DNAH5: variants seen among roughly 807,000 people sequenced by gnomAD.
DNAH5 encodes axonemal beta dynein heavy chain 5.
In DNAH5, 372 loss-of-function variants were observed where a neutral mutation model predicts 518.2. The ratio of observed to expected loss-of-function variants is 0.72; its 90% confidence interval spans 0.66 to 0.78. The LOEUF (loss-of-function observed/expected upper bound fraction) is 0.78, where lower values mean the gene tolerates loss of function less well. Among genes scored for constraint, DNAH5 ranks in the 30% least tolerant of loss-of-function variants. DNAH5 has a pLI of 0.00. For synonymous variants in DNAH5, 2,039 were observed against 2,025.9 expected, an observed-to-expected ratio of 1.01 and a Z score of -0.17; for missense variants, 5,523 against 5,687.0, an observed-to-expected ratio of 0.97 and a Z score of 0.93.
At chr5:13,918,750 G>A (rs1776929766) in intron 7 of DNAH5, among the ~76,000 whole-genome samples, 4 of 152,192 alleles carry the variant, frequency 2.6e-5, no homozygotes, top group African/African-American at 9.6e-5. Context: ...TTACAGGCGT[G>A]AGCCACCACG....
At position 13,920,622 on chromosome 5, in the gene DNAH5, T is replaced by C; in HGVS notation, c.661-5A>G. The C allele has an allele frequency of 6.2e-7, 1 of 1,614,038 alleles. No homozygotes were observed. The highest frequency in any genetic ancestry group is 8.5e-7 in the Non-Finnish European group (1 of 1,179,916). On this transcript the variant is annotated splice_region_variant and splice_polypyrimidine_tract_variant and intron_variant, in intron 5 of 78. Coordinates refer to ENST00000265104, the MANE Select transcript of DNAH5 (RefSeq NM_001369.3). ...GTCACACTTTCGAAGGTTCACCTAATTAGAATGAAAATTAAATAATCAGAT... is the reference window on the plus strand; with the variant it reads ...GTCACACTTTCGAAGGTTCACCTAACTAGAATGAAAATTAAATAATCAGAT...
chr5:13,880,551 AATGT>A (rs1450735752), intron 21 of DNAH5, among the ~76,000 whole-genome samples: 1 of 152,102 alleles, frequency 6.6e-6, no homozygotes, highest in Non-Finnish European at 1.5e-5. Flanking sequence ...AAAAACTTAA[AATGT>A]ATGAGGTGGG....
intron 43 of DNAH5, among the ~76,000 whole-genome samples, chr5:13,813,073 C>A (rs146778673): frequency 6.6e-6 from 1 of 152,146 alleles, no homozygotes; most frequent in African/African-American, 2.4e-5. Flanking sequence ...TTACTCTGCC[C>A]TCTAATAACT....
intron 5 of DNAH5, among the ~76,000 whole-genome samples, chr5:13,921,132 G>T (rs1456773680): frequency 6.6e-6 from 1 of 151,930 alleles, no homozygotes; most frequent in Non-Finnish European, 1.5e-5. Flanking sequence ...AATTTTATTT[G>T]GTCCAACCTG....
chr5:13,715,884 C>A (rs1272363845), intron 74 of DNAH5, among the ~76,000 whole-genome samples: 1 of 152,158 alleles, frequency 6.6e-6, no homozygotes, highest in East Asian at 1.9e-4. Flanking sequence ...TATTGGCATC[C>A]CGTGGATAGA....
At chr5:13,950,221 AAG>A (rs1056620789) in intron 1 of DNAH5, among the ~76,000 whole-genome samples, 1 of 152,118 alleles carries the variant, frequency 6.6e-6, no homozygotes, top group African/African-American at 2.4e-5. Context: ...TTTTCTCCAT[AAG>A]AGTTTTTTTT....
intron 1 of DNAH5, among the ~76,000 whole-genome samples, chr5:13,974,074 C>T (rs1419678173): frequency 1.3e-5 from 2 of 152,014 alleles, no homozygotes; most frequent in Non-Finnish European, 2.9e-5. Flanking sequence ...CCACTGAGAT[C>T]CCTATTCCTG....
rs371783309 is a variant in DNAH5 at position 13,876,766 on chromosome 5, T to C, written c.3314A>G (p.Asn1105Ser). 2 of 1,613,794 alleles carry C rather than the reference T, an allele frequency of 1.2e-6. No homozygotes were observed. Among genetic ancestry groups the C allele is most frequent in the Admixed American group, 1.7e-5 (1 of 59,966 alleles). The change falls in exon 22 of 79, where the codon AAC becomes AGC. Residue 1105 changes from asparagine to serine, a missense_variant. Asn to Ser is a conservative substitution (Grantham distance 46). Around this residue, in one of 3 missense-constraint regions of DNAH5, gnomAD observed 5,121 missense variants for 5,223.3 expected, o/e 0.98. Coordinates refer to ENST00000265104, the MANE Select transcript of DNAH5 (RefSeq NM_001369.3). ...VNLPIPVQTK[N>S]YYKNVSENKE... The stretch of plus-strand genomic sequence containing the variant: ...GTTTTCAGAAACATTCTTATAATAG[T>C]TCTTGGTTTGCACGGGAATGGGTAA...
At chr5:13,942,631 C>T (rs1459611753) in intron 1 of DNAH5, among the ~76,000 whole-genome samples, 2 of 152,136 alleles carry the variant, frequency 1.3e-5, no homozygotes, top group African/African-American at 4.8e-5. Context: ...GTTCCTCATC[C>T]TCCACCATCC....
intron 55 of DNAH5, among the ~76,000 whole-genome samples, chr5:13,774,492 C>T (rs895529894): frequency 1.2e-4 from 18 of 151,972 alleles, no homozygotes; most frequent in East Asian, 3.9e-4. Context: ...ATTGATGGCA[C>T]GTATTATAAA....
rs1742905288 is a variant in DNAH5, at chr5:13,707,196, C to G, written c.13338+927G>C. ...GACGTGGAATTTGCTCAGGCATGGTCAGAGAAGAGTCCGGTCACTGGGCGG... is the reference window on the plus strand; with the variant it reads ...GACGTGGAATTTGCTCAGGCATGGTGAGAGAAGAGTCCGGTCACTGGGCGG... On this transcript the variant is annotated intron_variant, in intron 76 of 78. Transcript: ENST00000265104. The surrounding 1 kb of genome is among the most constrained non-coding windows in gnomAD (Gnocchi z 4.0). Among the ~76,000 whole-genome samples, 1 of 152,210 alleles carries G rather than the reference C, an allele frequency of 6.6e-6. No individual in the cohort carries two copies. Among genetic ancestry groups the G allele is most frequent in the African/African-American group, 2.4e-5 (1 of 41,462 alleles).
At chr5:13,951,218 T>C (rs1780379361) in intron 1 of DNAH5, among the ~76,000 whole-genome samples, 1 of 129,224 alleles carries the variant, frequency 7.7e-6, no homozygotes, top group Non-Finnish European at 1.6e-5. Context: ...GTTTTTTTTT[T>C]TTTTTTTTTT....
At chr5:13,978,840 A>G (rs1315754563) in intron 1 of DNAH5, among the ~76,000 whole-genome samples, 7 of 152,202 alleles carry the variant, frequency 4.6e-5, no homozygotes, top group Admixed American at 4.6e-4. Context: ...TCCATCATTA[A>G]GTGAATATGA....
chr5:13,740,842 C>A (rs1200657474), intron 65 of DNAH5, among the ~76,000 whole-genome samples: 1 of 152,196 alleles, frequency 6.6e-6, no homozygotes, highest in Non-Finnish European at 1.5e-5. Flanking sequence ...GACTCCCCAG[C>A]TCTCCCGCTC....
At chr5:13,781,913 A>C (rs1755203417) in intron 52 of DNAH5, among the ~76,000 whole-genome samples, 1 of 151,616 alleles carries the variant, frequency 6.6e-6, no homozygotes, top group Admixed American at 6.6e-5. Context: ...TAGATGGGTC[A>C]GGGGGGCCAC....
chr5:13,715,291 C>A (rs887655012), intron 74 of DNAH5, among the ~76,000 whole-genome samples: 3 of 152,166 alleles, frequency 2.0e-5, no homozygotes, highest in Non-Finnish European at 2.9e-5. Flanking sequence ...GAGTCATACT[C>A]GTATTTCCCT....
chr5:13,809,267 T>C lies in DNAH5; in HGVS notation c.7610-81A>G, dbSNP rs1026005391. The C allele has an allele frequency of 5.2e-6, 8 of 1,526,420 alleles. No individual in the cohort carries two copies. In the East Asian group the frequency reaches 1.4e-4, roughly 26 times the overall value. The allele number at this position is 1,526,420 out of a possible 1,614,324, so 94.6% of individuals were successfully genotyped here. A position where few individuals can be genotyped will look rare whatever the true frequency, so the allele number is the denominator to read the frequency against. On this transcript the variant is annotated intron_variant, in intron 45 of 78. Transcript: ENST00000265104. ...TAATGAGCAGACATCCTTGAAATCT[T>C]ATGAGGTCACCTTCCAAATTCTCCC...
intron 61 of DNAH5, among the ~76,000 whole-genome samples, chr5:13,757,499 TC>T (rs1751167212): frequency 6.6e-6 from 1 of 152,190 alleles, no homozygotes; most frequent in Non-Finnish European, 1.5e-5. Context: ...CGCATGTATG[TC>T]TTTTTTTGAA....
chr5:13,808,697 C>T (rs7735267), intron 46 of DNAH5, among the ~76,000 whole-genome samples: 30,179 of 150,844 alleles, frequency 0.2, 3,265 homozygotes, highest in East Asian at 0.55. Flanking sequence ...CGGTGGCTCA[C>T]GCCTGTAATC....
Sources: gnomAD v4.1 joint callset for allele counts (sites outside exome capture counted in the v4.1 genomes callset) on GRCh38, gnomAD v4.1.1 for gene constraint, gnomAD v4.1.1 regional missense constraint, Gnocchi (gnomAD v3.1) non-coding constraint, MANE v1.5 for transcripts, NCBI Gene and HGNC (gene_info 2026-07-23, HGNC 2026-07-21) for gene names.